The following CHD1L variants were observed in gnomAD, a reference collection of about 807,000 sequenced individuals.
CHD1L encodes the protein chromodomain helicase DNA binding protein 1 like.
CHD1L carries 118 observed loss-of-function variants against 115.9 expected under a neutral mutation model. The ratio of observed to expected loss-of-function variants is 1.02; its 90% CI spans 0.88 to 1.19. The LOEUF (loss-of-function observed/expected upper bound fraction) is 1.19, where lower values mean the gene tolerates loss of function less well. CHD1L is among the 50% of genes most tolerant of loss of function. The pLI, the probability that CHD1L is intolerant of heterozygous loss-of-function variation, is 0.00. For synonymous variants in CHD1L, 411 were observed against 387.1 expected (o/e 1.06, Z -0.72); for missense variants, 1,179 against 1,065.3 (o/e 1.11, Z -1.49).
intron 13 of CHD1L, among the ~76,000 whole-genome samples, chr1:147,275,793 A>AAAG (rs782547730): frequency 1.3e-5 from 2 of 151,432 alleles, no homozygotes; most frequent in African/African-American, 2.4e-5. Context: ...AAAAAAAAAA[A>AAAG]AAAGAAAGAT....
At chr1:147,205,026 T>G in the CHD1L span, 6 of 725,486 alleles carry the variant, frequency 8.3e-6, no homozygotes, top group South Asian at 7.5e-5. Context: ...ATACATTCAG[T>G]CACTCTTCCA....
the CHD1L span, chr1:147,203,783 AG>A: frequency 6.5e-7 from 1 of 1,544,546 alleles, no homozygotes; most frequent in South Asian, 1.1e-5. Flanking sequence ...GTCATCCATC[AG>A]ATTGTCTGTA....
rs989969221 is a variant in CHD1L, at chr1:147,248,774, G to A, written c.128-3849G>A. ...GTACGTATGTGTGTATAAAATCACAGACTACTGATATTGTCATTTTACTTA... is the reference window on the plus strand; with the variant it reads ...GTACGTATGTGTGTATAAAATCACAAACTACTGATATTGTCATTTTACTTA... On this transcript the variant is annotated intron_variant, in intron 1 of 22. Coordinates refer to ENST00000369258, the MANE Select transcript of CHD1L (RefSeq NM_004284.6). Among the ~76,000 whole-genome samples the A allele has an allele frequency of 3.0e-4, 45 of 152,292 alleles. 1 individual carries two copies. Among genetic ancestry groups the A allele is most frequent in the Middle Eastern group, 3.4e-3 (1 of 294 alleles).
At chr1:147,293,750 T>C in intron 21 of CHD1L, 28 bp downstream of exon 21, 1 of 1,569,004 alleles carries the variant, frequency 6.4e-7, no homozygotes, top group Non-Finnish European at 8.8e-7. Flanking sequence ...TGCTCAAGAG[T>C]AGATGAATTT....
intron 12 of CHD1L, 46 bp from the exon 13 acceptor site, chr1:147,275,308 C>G: frequency 7.0e-7 from 1 of 1,420,440 alleles, no homozygotes; most frequent in South Asian, 1.1e-5. Context: ...TTTCTAGCTC[C>G]TCGTCTTTGT....
chr1:147,195,504 T>C, the CHD1L span, among the ~76,000 whole-genome samples: 1 of 152,130 alleles, frequency 6.6e-6, no homozygotes, highest in Non-Finnish European at 1.5e-5. Context: ...AACATGTTTC[T>C]TTGATAAGAG....
chr1:147,255,078 G>T, intron 3 of CHD1L, 102 bp downstream of exon 3: 1 of 830,896 alleles, frequency 1.2e-6, no homozygotes, highest in Non-Finnish European at 1.8e-6. Context: ...GTCGTAATTA[G>T]TAAGTTTATT....
the CHD1L span, among the ~76,000 whole-genome samples, chr1:147,180,530 A>G: frequency 2.0e-5 from 3 of 152,182 alleles, no homozygotes; most frequent in South Asian, 4.1e-4. Context: ...TGACCTCGTG[A>G]TCCACCCGCC....
intron 14 of CHD1L, among the ~76,000 whole-genome samples, chr1:147,277,112 A>G (rs1405675797): frequency 2.0e-5 from 3 of 152,204 alleles, no homozygotes; most frequent in African/African-American, 7.2e-5. Flanking sequence ...AGGAGAGAAG[A>G]AAGGAAAATA....
intron 10 of CHD1L, 79 bp downstream of exon 10, chr1:147,268,957 C>T (rs1382429531): frequency 1.8e-5 from 19 of 1,069,860 alleles, no homozygotes; most frequent in Non-Finnish European, 2.5e-5. Context: ...CTGAGTTGTT[C>T]AGGCCAATTC....
the CHD1L span, among the ~76,000 whole-genome samples, chr1:147,207,520 C>T: frequency 6.6e-6 from 1 of 152,106 alleles, no homozygotes; most frequent in African/African-American, 2.4e-5. Flanking sequence ...TATAATCTGT[C>T]CTCTTTCTTC....
At chr1:147,188,946 G>GA in the CHD1L span, among the ~76,000 whole-genome samples, 1 of 152,090 alleles carries the variant, frequency 6.6e-6, no homozygotes, top group East Asian at 1.9e-4. Flanking sequence ...GTAGTGAGAA[G>GA]AAGGAAAATG....
intron 5 of CHD1L, 69 bp from the exon 6 acceptor site, chr1:147,259,768 G>A: frequency 2.2e-6 from 3 of 1,339,512 alleles, no homozygotes; most frequent in South Asian, 1.2e-5. Context: ...CAGTTTTGTA[G>A]TAAGACTTTT....
chr1:147,278,073 G>A (rs141657422), intron 14 of CHD1L, among the ~76,000 whole-genome samples: 3 of 152,152 alleles, frequency 2.0e-5, no homozygotes, highest in Non-Finnish European at 2.9e-5. Context: ...CATGGTTATC[G>A]GAAAGTTACT....
chr1:147,254,904 TAA>T lies in CHD1L; in HGVS notation c.277_278del (p.Asn93Ter). 1.2e-6 allele frequency: 2 copies of T among 1,608,004 alleles called. No individual in the cohort carries two copies. The highest frequency in any genetic ancestry group is 1.7e-6 in the Non-Finnish European group (2 of 1,178,294). On this transcript the variant is annotated frameshift_variant, in exon 3 of 23. Coordinates refer to ENST00000369258, the MANE Select transcript of CHD1L (RefSeq NM_004284.6). LOFTEE classifies it high-confidence loss of function. ...CTCTTCATTTATTTGGCAGGAAGAT[TAA>T]ATGATGAAGGGCCATTTCTGATTCT...
At chr1:147,272,362 T>C in intron 12 of CHD1L, 81 bp downstream of exon 12, 1 of 979,866 alleles carries the variant, frequency 1.0e-6, no homozygotes, top group South Asian at 1.4e-5. Flanking sequence ...AGTACACTTT[T>C]TTCCTTAATT....
At chr1:147,242,588 C>A, upstream of CHD1L, 1 of 1,084,306 alleles carries the variant, frequency 9.2e-7, no homozygotes, top group Non-Finnish European at 1.2e-6. Flanking sequence ...GACGCGCCCT[C>A]TGGCGGCGCC....
intron 16 of CHD1L, 115 bp downstream of exon 16, chr1:147,284,614 T>A: frequency 2.1e-6 from 2 of 933,902 alleles, no homozygotes; most frequent in Non-Finnish European, 3.1e-6. Flanking sequence ...AAGAAATAAG[T>A]ATGTGTTTGC....
intron 6 of CHD1L, among the ~76,000 whole-genome samples, chr1:147,263,053 G>A (rs782271913): frequency 5.9e-5 from 9 of 151,966 alleles, no homozygotes; most frequent in Non-Finnish European, 1.0e-4. Flanking sequence ...GTATGTAAAT[G>A]TGTATATACA....
Sources: allele counts gnomAD v4.1 joint callset (sites outside exome capture counted in the v4.1 genomes callset), GRCh38; gene constraint gnomAD v4.1.1; transcripts MANE v1.5; gene names NCBI Gene and HGNC (gene_info 2026-07-23, HGNC 2026-07-21).